Variants in HS6ST3 observed in about 807,000 individuals in gnomAD.
HS6ST3 encodes the protein heparan-sulfate 6-O-sulfotransferase 3.
HS6ST3 carries 12 observed loss-of-function variants against 36.7 expected under a neutral mutation model. The ratio of observed to expected loss-of-function variants is 0.33; its 90% CI spans 0.21 to 0.53. The LOEUF (loss-of-function observed/expected upper bound fraction) is 0.53. HS6ST3 is among the 20% of genes least tolerant of loss of function. The pLI, the probability that HS6ST3 is intolerant of heterozygous loss-of-function variation, is 0.95. For synonymous variants in HS6ST3, 240 were observed against 257.5 expected, an observed-to-expected ratio of 0.93 and a Z score of 0.65; for missense variants, 584 against 640.9, an observed-to-expected ratio of 0.91 and a Z score of 0.96.
chr13:96,485,798 GT>G (rs1483910557), intron 1 of HS6ST3, among the ~76,000 whole-genome samples: 1 of 152,248 alleles, frequency 6.6e-6, no homozygotes, highest in Non-Finnish European at 1.5e-5. Context: ...GTATGGAGTT[GT>G]TTTGGTCTAG....
At chr13:96,583,447 C>G (rs1401032918) in intron 1 of HS6ST3, among the ~76,000 whole-genome samples, 1 of 151,840 alleles carries the variant, frequency 6.6e-6, no homozygotes, top group Admixed American at 6.6e-5. Context: ...CTCCTGACCT[C>G]ATGATCCGCC....
At chr13:96,732,909 G>C (rs1039742863) in intron 1 of HS6ST3, among the ~76,000 whole-genome samples, 5 of 152,022 alleles carry the variant, frequency 3.3e-5, no homozygotes, top group Admixed American at 6.6e-5. Flanking sequence ...TTGTAAATGG[G>C]CTTGTTTTCT....
chr13:96,361,823 A>C (rs1163217271), intron 1 of HS6ST3, among the ~76,000 whole-genome samples: 2 of 152,244 alleles, frequency 1.3e-5, no homozygotes, highest in African/African-American at 4.8e-5. Context: ...AGATGCCTTC[A>C]TGTAGGCTTC....
chr13:96,615,421 T>C (rs1218399487), intron 1 of HS6ST3, among the ~76,000 whole-genome samples: 2 of 152,142 alleles, frequency 1.3e-5, no homozygotes, highest in African/African-American at 4.8e-5. Flanking sequence ...CCATGCAAGA[T>C]TGTTGATCAG....
At chr13:96,434,432 G>A (rs780049443) in intron 1 of HS6ST3, among the ~76,000 whole-genome samples, 2 of 152,164 alleles carry the variant, frequency 1.3e-5, no homozygotes, top group Non-Finnish European at 2.9e-5. Flanking sequence ...GGCTGCCTTG[G>A]CCCTGGGCTT....
rs149343049 is a variant in HS6ST3 at position 96,116,259 on chromosome 13, A to G, written c.707+24690A>G. On this transcript the variant is annotated intron_variant, in intron 1 of 1. Transcript: ENST00000376705. ...TTACACTGCTACTACCTGAATTGCT[A>G]CTCATAGGCCTGATTATATATTTTT... is the stretch of plus-strand genomic sequence containing the variant. Among the ~76,000 whole-genome samples, 4 of 152,068 alleles carry G rather than the reference A, an allele frequency of 2.6e-5. No homozygotes were observed. The South Asian group carries it at 6.2e-4, about 24-fold the overall frequency.
chr13:96,139,726 G>A (rs999777342), intron 1 of HS6ST3, among the ~76,000 whole-genome samples: 2 of 151,878 alleles, frequency 1.3e-5, no homozygotes, highest in Non-Finnish European at 2.9e-5. Context: ...TGATTACAAA[G>A]TTTATATATT....
chr13:96,106,437 G>C (rs2139297675), intron 1 of HS6ST3, among the ~76,000 whole-genome samples: 1 of 152,324 alleles, frequency 6.6e-6, no homozygotes, highest in South Asian at 2.1e-4. Context: ...TTGGCAAGAA[G>C]TTGAAACCTC....
chr13:96,531,615 T>C (rs754846763), intron 1 of HS6ST3, among the ~76,000 whole-genome samples: 1 of 152,218 alleles, frequency 6.6e-6, no homozygotes, highest in Non-Finnish European at 1.5e-5. Flanking sequence ...TTGCAGCCAT[T>C]ACCATCTTCA....
intron 1 of HS6ST3, among the ~76,000 whole-genome samples, chr13:96,441,540 C>T (rs542634015): frequency 2.0e-5 from 3 of 152,158 alleles, no homozygotes; most frequent in South Asian, 2.1e-4. Flanking sequence ...TTCAGCATTA[C>T]AGAGAAAGAG....
chr13:96,162,057 A>G (rs1815426979), intron 1 of HS6ST3, among the ~76,000 whole-genome samples: 1 of 152,230 alleles, frequency 6.6e-6, no homozygotes, highest in African/African-American at 2.4e-5. Context: ...AAAAAATAAA[A>G]TTATTAAAAT....
intron 1 of HS6ST3, 137 bp downstream of exon 1, chr13:96,091,706 T>C: frequency 8.2e-7 from 1 of 1,215,074 alleles, no homozygotes; most frequent in Non-Finnish European, 1.1e-6. Flanking sequence ...GCCGTGGCTT[T>C]GGGGAGGGAT....
intron 1 of HS6ST3, among the ~76,000 whole-genome samples, chr13:96,791,262 G>A (rs895052659): frequency 2.0e-5 from 3 of 151,972 alleles, no homozygotes; most frequent in Non-Finnish European, 4.4e-5. Flanking sequence ...CATCCTCTAA[G>A]TTCTGACCCT....
At chr13:96,124,336 G>A (rs2053940199) in intron 1 of HS6ST3, among the ~76,000 whole-genome samples, 1 of 152,172 alleles carries the variant, frequency 6.6e-6, no homozygotes. Context: ...CTGATTCCAG[G>A]CATTAAAGGT....
At chr13:96,362,371 G>A (rs1381904066) in intron 1 of HS6ST3, among the ~76,000 whole-genome samples, 1 of 152,120 alleles carries the variant, frequency 6.6e-6, no homozygotes, top group Non-Finnish European at 1.5e-5. Context: ...TGTATTCATT[G>A]GGTTATTTTT....
chr13:96,361,226 G>A (rs559341029), intron 1 of HS6ST3, among the ~76,000 whole-genome samples: 1 of 152,190 alleles, frequency 6.6e-6, no homozygotes, highest in South Asian at 2.1e-4. Context: ...ATGAAGTCCA[G>A]GCTAACAGTA....
chr13:96,413,387 C>A (rs149757861), intron 1 of HS6ST3, among the ~76,000 whole-genome samples: 1 of 151,836 alleles, frequency 6.6e-6, no homozygotes. Flanking sequence ...TTAGAATGAG[C>A]GGAAAATAAC....
At chr13:96,372,194 A>G (rs2055293317) in intron 1 of HS6ST3, among the ~76,000 whole-genome samples, 1 of 152,174 alleles carries the variant, frequency 6.6e-6, no homozygotes, top group Non-Finnish European at 1.5e-5. Flanking sequence ...GCATGAAGTG[A>G]TATCCCATTA....
chr13:96,237,039 A>G (rs1007879677), intron 1 of HS6ST3, among the ~76,000 whole-genome samples: 2 of 152,196 alleles, frequency 1.3e-5, no homozygotes, highest in Non-Finnish European at 2.9e-5. Flanking sequence ...AACTGAGCCA[A>G]GGGGGAAGCC....
Sources: gnomAD v4.1 joint callset for allele counts (sites outside exome capture counted in the v4.1 genomes callset) on GRCh38, gnomAD v4.1.1 for gene constraint, MANE v1.5 for transcripts, NCBI Gene and HGNC (gene_info 2026-07-23, HGNC 2026-07-21) for gene names.